The following FRK variants were observed in gnomAD, a reference collection of about 807,000 sequenced individuals.
FRK encodes fyn related Src family tyrosine kinase, also known as tyrosine-protein kinase FRK.
FRK carries 51 observed loss-of-function variants against 56.4 expected under a neutral mutation model. The ratio of observed to expected loss-of-function variants is 0.90; its 90% CI spans 0.72 to 1.14. FRK has a LOEUF of 1.14. FRK is among the 50% of genes most tolerant of loss of function. The pLI is 0.00. For synonymous variants in FRK, 245 were observed against 217.9 expected (o/e 1.12, Z -1.10); for missense variants, 570 against 601.4 (o/e 0.95, Z 0.55).
In FRK at chr6:115,938,817, G is replaced by A. The variant is rs1772095620; in HGVS notation, c.*3597C>T. On this transcript the variant is annotated 3_prime_UTR_variant, in exon 8 of 8. Coordinates refer to ENST00000606080, the MANE Select transcript of FRK (RefSeq NM_002031.3). ...TAGACCAATAACAAGTTCTGAAATT[G>A]AGGCAGTAATTAATAGCCTACCAAC... 6.6e-6 allele frequency: 1 copy of A among 152,146 alleles called. No homozygotes were observed. The highest frequency in any genetic ancestry group is 1.5e-5 in the Non-Finnish European group (1 of 68,032). 9.4% of individuals were successfully genotyped at this position (152,146 alleles called of 1,614,324 possible).
intron 2 of FRK, among the ~76,000 whole-genome samples, chr6:115,977,011 T>C (rs567833902): frequency 3.9e-5 from 6 of 152,276 alleles, no homozygotes; most frequent in African/African-American, 1.4e-4. Context: ...CAAAAACTCC[T>C]GCACTTGTAA....
At chr6:116,032,373 A>C (rs887101159) in intron 1 of FRK, among the ~76,000 whole-genome samples, 2 of 152,114 alleles carry the variant, frequency 1.3e-5, no homozygotes, top group African/African-American at 4.8e-5. Context: ...AAAGATTGAC[A>C]TTTAAGATAA....
At chr6:116,002,122 G>T (rs188088172) in intron 2 of FRK, among the ~76,000 whole-genome samples, 3 of 152,188 alleles carry the variant, frequency 2.0e-5, no homozygotes, top group Non-Finnish European at 4.4e-5. Context: ...TAAGCTGTTT[G>T]CTTATAGAAA....
In FRK at chr6:116,060,115, C is replaced by A; in HGVS notation, c.197G>T (p.Gly66Val). ...RTAEDLSFRAGDKLQVLDTLH... is the reference protein window; with the variant it reads ...RTAEDLSFRAVDKLQVLDTLH... ...AGTGTCCAGAACTTGAAGTTTGTCA[C>A]CTGCTCGGAAGCTCAAGTCCTCAGC... Residue 66 changes from glycine to valine, a missense_variant, in exon 1 of 8, where the codon GGT (glycine) becomes GTT (valine). By Grantham distance (109) the Gly-to-Val change is moderately radical. Coordinates refer to ENST00000606080, the MANE Select transcript of FRK (RefSeq NM_002031.3). 1.2e-6 allele frequency: 2 copies of A among 1,614,188 alleles called. No homozygotes were observed. Among genetic ancestry groups the A allele is most frequent in the East Asian group, 4.5e-5 (2 of 44,884 alleles).
chr6:116,085,723 T>G, the FRK span, among the ~76,000 whole-genome samples: 1 of 152,070 alleles, frequency 6.6e-6, no homozygotes, highest in Non-Finnish European at 1.5e-5. Context: ...GGTGTGTGTG[T>G]GTGTGTGTGC....
At chr6:116,048,416 T>A (rs1286977481) in intron 1 of FRK, among the ~76,000 whole-genome samples, 1 of 152,218 alleles carries the variant, frequency 6.6e-6, no homozygotes, top group Non-Finnish European at 1.5e-5. Flanking sequence ...GACAGGGTCT[T>A]GCCCTTTCAC....
rs564945330 is a variant in FRK, at chr6:115,939,524, A to C, written c.*2890T>G. 3 of 152,350 alleles carry C rather than the reference A, an allele frequency of 2.0e-5. No homozygotes were observed. The highest frequency in any genetic ancestry group is 7.2e-5 in the African/African-American group (3 of 41,564). 9.4% of individuals were successfully genotyped at this position (152,350 alleles called of 1,614,324 possible). On this transcript the variant is annotated 3_prime_UTR_variant, in exon 8 of 8. Coordinates refer to ENST00000606080, the MANE Select transcript of FRK (RefSeq NM_002031.3). Reference sequence around the variant, plus strand: ...AAGAAATAAAGGGTATTCAAATAGGAAAACAGGAAGTAAAATTGTCTCTGT... The same window carrying C: ...AAGAAATAAAGGGTATTCAAATAGGCAAACAGGAAGTAAAATTGTCTCTGT...
the FRK span, among the ~76,000 whole-genome samples, chr6:116,093,171 A>G: frequency 6.6e-6 from 1 of 152,088 alleles, no homozygotes; most frequent in Non-Finnish European, 1.5e-5. Context: ...TAGCCTCCCT[A>G]TAGCTCCCCT....
chr6:115,995,628 T>C (rs1176473321), intron 2 of FRK, among the ~76,000 whole-genome samples: 9 of 152,074 alleles, frequency 5.9e-5, no homozygotes. Context: ...AAACAAGCCT[T>C]GTAAAGAATA....
chr6:116,098,298 G>A, the FRK span, among the ~76,000 whole-genome samples: 2 of 151,728 alleles, frequency 1.3e-5, no homozygotes, highest in Non-Finnish European at 2.9e-5. Context: ...TTTTTCTAGA[G>A]ATGGGTCTCG....
intron 4 of FRK, 127 bp downstream of exon 4, chr6:115,967,424 A>G: frequency 1.2e-6 from 1 of 831,526 alleles, no homozygotes; most frequent in Non-Finnish European, 1.9e-6. Context: ...CACCTGGGCT[A>G]GAGACAATGA....
At chr6:116,003,320 C>A (rs991124873) in intron 2 of FRK, among the ~76,000 whole-genome samples, 1 of 152,182 alleles carries the variant, frequency 6.6e-6, no homozygotes, top group East Asian at 1.9e-4. Context: ...TATTTAGGTA[C>A]CTGTAACTAC....
chr6:115,958,290 C>A (rs887505973), intron 4 of FRK, among the ~76,000 whole-genome samples: 19 of 151,722 alleles, frequency 1.3e-4, no homozygotes, highest in Non-Finnish European at 1.0e-4. Context: ...ACCACCCCCC[C>A]CAAAAAAGAA....
intron 1 of FRK, among the ~76,000 whole-genome samples, chr6:116,047,118 A>G (rs1301386746): frequency 2.6e-5 from 4 of 151,822 alleles, no homozygotes; most frequent in Non-Finnish European, 5.9e-5. Context: ...TTCCCACAAC[A>G]TGACCTCAAA....
chr6:116,053,168 T>C (rs1777242230), intron 1 of FRK, among the ~76,000 whole-genome samples: 1 of 152,152 alleles, frequency 6.6e-6, no homozygotes, highest in Non-Finnish European at 1.5e-5. Context: ...TCAAAAAGGG[T>C]AACCAGCATT....
chr6:115,992,021 A>T (rs530984633), intron 2 of FRK, among the ~76,000 whole-genome samples: 19 of 151,520 alleles, frequency 1.3e-4, no homozygotes, highest in African/African-American at 4.3e-4. Context: ...ATGTCACTTT[A>T]TCATTTCTGA....
intron 5 of FRK, 38 bp from the exon 6 acceptor site, chr6:115,944,463 G>A (rs1000162326): frequency 6.7e-7 from 1 of 1,483,784 alleles, no homozygotes; most frequent in East Asian, 2.3e-5. Flanking sequence ...TTACCTTAGA[G>A]AACATTTGAA....
intron 2 of FRK, among the ~76,000 whole-genome samples, chr6:115,990,207 T>C (rs949516535): frequency 6.6e-6 from 1 of 152,026 alleles, no homozygotes; most frequent in African/African-American, 2.4e-5. Context: ...TTGTAAATAT[T>C]TTCTCCCATT....
At chr6:116,011,513 C>G (rs1214493203) in intron 1 of FRK, among the ~76,000 whole-genome samples, 1 of 151,502 alleles carries the variant, frequency 6.6e-6, no homozygotes, top group East Asian at 1.9e-4. Context: ...AGAAAGGAAA[C>G]TGGGTCGATC....
Sources: gnomAD v4.1 joint callset for allele counts (sites outside exome capture counted in the v4.1 genomes callset) on GRCh38, gnomAD v4.1.1 for gene constraint, MANE v1.5 for transcripts, NCBI Gene and HGNC (gene_info 2026-07-23, HGNC 2026-07-21) for gene names.